BAG2: variants seen among roughly 807,000 people sequenced by gnomAD.
BAG2 encodes the protein BAG family molecular chaperone regulator 2.
A neutral mutation model predicts 16.4 loss-of-function variants in BAG2; 8 were observed. The ratio of observed to expected loss-of-function variants is 0.49; its 90% confidence interval spans 0.29 to 0.88. The LOEUF (loss-of-function observed/expected upper bound fraction) is 0.88. Ranked by LOEUF, BAG2 falls within the 40% of genes least tolerant of loss-of-function variation. BAG2 has a pLI of 0.09. For synonymous variants in BAG2, 82 were observed against 89.2 expected, an observed-to-expected ratio of 0.92 and a Z score of 0.46; for missense variants, 218 against 248.9, an observed-to-expected ratio of 0.88 and a Z score of 0.84.
intron 1 of BAG2, among the ~76,000 whole-genome samples, chr6:57,181,393 T>G (rs1764436258): frequency 6.6e-6 from 1 of 152,166 alleles, no homozygotes; most frequent in Non-Finnish European, 1.5e-5. Context: ...AGCAACTGAT[T>G]AGAAGTACAC....
In BAG2 at chr6:57,186,536, T is replaced by G. The variant is rs1046768610; in HGVS notation, c.*2346T>G. On this transcript the variant is annotated 3_prime_UTR_variant, in exon 3 of 3. Coordinates refer to ENST00000370693, the MANE Select transcript of BAG2 (RefSeq NM_004282.4). ...TTTCACCATATTGGCCAGGCTGGTC[T>G]CAAACTCCTGACCTTGTGATCTGCC... The G allele has an allele frequency of 6.6e-6, 1 of 152,276 alleles. No homozygotes were observed. Among genetic ancestry groups the G allele is most frequent in the African/African-American group, 2.4e-5 (1 of 41,458 alleles). 9.4% of individuals were successfully genotyped at this position (152,276 alleles called of 1,614,324 possible).
At position 57,183,827 on chromosome 6, in the gene BAG2, T is replaced by G. The variant is rs1299011035; in HGVS notation, c.273T>G (p.Thr91=). The change falls in exon 3 of 3, where the codon ACT becomes ACG. Residue 91 remains threonine (T), a synonymous_variant. Coordinates refer to ENST00000370693, the MANE Select transcript of BAG2 (RefSeq NM_004282.4). ...NLTANRLMGR[T]LTVEVSVETI... Reference sequence around the variant, plus strand: ...CTGCAAACCGTTTGATGGGAAGAACTCTCACCGTTGAAGTGTCAGTAGAAA... The same window carrying G: ...CTGCAAACCGTTTGATGGGAAGAACGCTCACCGTTGAAGTGTCAGTAGAAA... The G allele has an allele frequency of 6.2e-7, 1 of 1,610,534 alleles. No individual in the cohort carries two copies.
intron 1 of BAG2, among the ~76,000 whole-genome samples, chr6:57,180,833 C>T (rs1052199465): frequency 1.4e-4 from 21 of 151,408 alleles, no homozygotes; most frequent in Non-Finnish European, 3.1e-4. Flanking sequence ...ACATCCCAGA[C>T]GTGGTTCATA....
At position 57,185,675 on chromosome 6, in the gene BAG2, T is replaced by C. The variant is rs1474179902; in HGVS notation, c.*1485T>C. 1 of 152,248 alleles carries C rather than the reference T, an allele frequency of 6.6e-6. No individual in the cohort carries two copies. The highest frequency in any genetic ancestry group is 2.4e-5 in the African/African-American group (1 of 41,464). 9.4% of individuals were successfully genotyped at this position (152,248 alleles called of 1,614,324 possible). On this transcript the variant is annotated 3_prime_UTR_variant, in exon 3 of 3. Coordinates refer to ENST00000370693, the MANE Select transcript of BAG2 (RefSeq NM_004282.4). The stretch of plus-strand genomic sequence containing the variant: ...TCTATGGCAGAGCCACTTGGTTTGT[T>C]AGCAGACTGATTTGCTGTCATCAGA...
chr6:57,183,807 A>C lies in BAG2; in HGVS notation c.253A>C (p.Asn85His). The change falls in exon 3 of 3, where the codon AAC becomes CAC. Residue 85 changes from asparagine to histidine, a missense_variant. Coordinates refer to ENST00000370693, the MANE Select transcript of BAG2 (RefSeq NM_004282.4). ...AAGAGAAGAATTAAATCTGACTGCA[A>C]ACCGTTTGATGGGAAGAACTCTCAC... ...GEREELNLTA[N>H]RLMGRTLTVE... 9 of 1,595,890 alleles carry C rather than the reference A, an allele frequency of 5.6e-6. No homozygotes were observed. Among genetic ancestry groups the C allele is most frequent in the Non-Finnish European group, 7.7e-6 (9 of 1,172,686 alleles).
chr6:57,184,155 ACT>A lies in BAG2; in HGVS notation c.604_605del (p.Leu202AlafsTer5), dbSNP rs1157912001. On this transcript the variant is annotated frameshift_variant, in exon 3 of 3. Transcript: ENST00000370693. LOFTEE classifies it high-confidence loss of function. ...LEHSKGAGSKTLQQNAESRFN is the reference protein window; with the variant it reads ...LEHSKGAGSKXLQQNAESRFN ...GCATTCTAAAGGAGCTGGTTCCAAA[ACT>A]CTGCAACAAAATGCTGAAAGCAGAT... The A allele has an allele frequency of 2.2e-5, 34 of 1,559,706 alleles. No individual in the cohort carries two copies. The East Asian group carries it at 5.8e-4, about 27-fold the overall frequency.
chr6:57,179,362 CTT>C (rs1038059833), intron 1 of BAG2, among the ~76,000 whole-genome samples: 30 of 152,150 alleles, frequency 2.0e-4, no homozygotes, highest in African/African-American at 7.2e-4. Context: ...TATAAACACA[CTT>C]TGACATATAT....
chr6:57,176,317 T>C (rs1764284227), intron 1 of BAG2, among the ~76,000 whole-genome samples: 1 of 152,212 alleles, frequency 6.6e-6, no homozygotes, highest in Non-Finnish European at 1.5e-5. Context: ...AGACTGGCTC[T>C]CCAGGCTCTA....
At chr6:57,175,959 G>T (rs1764273798) in intron 1 of BAG2, among the ~76,000 whole-genome samples, 1 of 152,184 alleles carries the variant, frequency 6.6e-6, no homozygotes, top group Non-Finnish European at 1.5e-5. Flanking sequence ...GTGGAGGGTG[G>T]GGTCTTGGGG....
At chr6:57,176,314 C>T (rs1176207836) in intron 1 of BAG2, among the ~76,000 whole-genome samples, 2 of 152,156 alleles carry the variant, frequency 1.3e-5, no homozygotes, top group African/African-American at 2.4e-5. Context: ...GGAAGACTGG[C>T]TCTCCAGGCT....
At chr6:57,173,281 CCTTG>C (rs2127991690) in intron 1 of BAG2, 1 of 985,696 alleles carries the variant, frequency 1.0e-6, no homozygotes, top group Non-Finnish European at 1.2e-6. Context: ...AGTTAAGTTT[CCTTG>C]CTTCAGAACA....
chr6:57,173,188 G>A, intron 1 of BAG2: 1 of 998,866 alleles, frequency 1.0e-6, no homozygotes, highest in Non-Finnish European at 1.2e-6. Context: ...AGAACCTTCT[G>A]TGTGGCCCCA....
chr6:57,177,801 T>C (rs532773525), intron 1 of BAG2, among the ~76,000 whole-genome samples: 1 of 152,322 alleles, frequency 6.6e-6, no homozygotes, highest in African/African-American at 2.4e-5. Flanking sequence ...GACATATTAA[T>C]AGTAGCCACA....
At chr6:57,183,547 A>C (rs750350468) in intron 2 of BAG2, among the ~76,000 whole-genome samples, 1 of 152,190 alleles carries the variant, frequency 6.6e-6, no homozygotes. Flanking sequence ...CAGACATGCC[A>C]ATTTGAGAAG....
chr6:57,180,351 A>G (rs1011448546), intron 1 of BAG2, among the ~76,000 whole-genome samples: 1 of 152,160 alleles, frequency 6.6e-6, no homozygotes, highest in African/African-American at 2.4e-5. Flanking sequence ...TGGAGAAGTA[A>G]AAGTCCATAA....
At chr6:57,172,914 C>T in intron 1 of BAG2, 104 bp downstream of exon 1, 5 of 1,019,974 alleles carry the variant, frequency 4.9e-6, no homozygotes, top group Non-Finnish European at 5.4e-6. Flanking sequence ...GCCTGGGGCA[C>T]AGTGAGGCTG....
At position 57,187,930 on chromosome 6, in the gene BAG2, T is replaced by TAAC. The variant is rs1764670393; in HGVS notation, c.*3741_*3743dup. 1 of 152,020 alleles carries TAAC rather than the reference T, an allele frequency of 6.6e-6. No homozygotes were observed. Among genetic ancestry groups the TAAC allele is most frequent in the Non-Finnish European group, 1.5e-5 (1 of 67,992 alleles). The allele number at this position is 152,020 out of a possible 1,614,324, so 9.4% of individuals were successfully genotyped here. On this transcript the variant is annotated 3_prime_UTR_variant, in exon 3 of 3. Coordinates refer to ENST00000370693, the MANE Select transcript of BAG2 (RefSeq NM_004282.4). Reference sequence around the variant, plus strand: ...GGAAATCATTTAACCTGGTTTTATTTAACTATATTGCCTTATATGGGTCAT... The same window carrying TAAC: ...GGAAATCATTTAACCTGGTTTTATTTAACAACTATATTGCCTTATATGGGTCAT...
Position 57,172,659 on chromosome 6 carries a change from G to C in BAG2, c.-39G>C. 6.9e-7 allele frequency: 1 copy of C among 1,442,610 alleles called. No homozygotes were observed. The highest frequency in any genetic ancestry group is 9.2e-7 in the Non-Finnish European group (1 of 1,083,926). The allele number at this position is 1,442,610 out of a possible 1,614,324, so 89.4% of individuals were successfully genotyped here. A position where few individuals can be genotyped will look rare whatever the true frequency, so the allele number is the denominator to read the frequency against. ...GCGCTCCACTCGCTGCCGCCGGAGGGGCCGGTGACCTCTTGGCTACCCCGC... is the reference window on the plus strand; with the variant it reads ...GCGCTCCACTCGCTGCCGCCGGAGGCGCCGGTGACCTCTTGGCTACCCCGC... On this transcript the variant is annotated 5_prime_UTR_variant, in exon 1 of 3. Coordinates refer to ENST00000370693, the MANE Select transcript of BAG2 (RefSeq NM_004282.4).
chr6:57,176,342 A>T (rs557971262), intron 1 of BAG2, among the ~76,000 whole-genome samples: 1 of 152,306 alleles, frequency 6.6e-6, no homozygotes, highest in South Asian at 2.1e-4. Flanking sequence ...TTTATGCCTG[A>T]ATTTTCTTAA....
Sources: allele counts gnomAD v4.1 joint callset (sites outside exome capture counted in the v4.1 genomes callset), GRCh38; gene constraint gnomAD v4.1.1; transcripts MANE v1.5; gene names NCBI Gene and HGNC (gene_info 2026-07-23, HGNC 2026-07-21).